The following ATL2 variants were observed in gnomAD, a reference collection of about 807,000 sequenced individuals.
ATL2 encodes the protein atlastin GTPase 2, also known as atlastin-2.
Under a neutral mutation model 73.9 loss-of-function variants are expected in ATL2, and 31 were observed. The ratio of observed to expected loss-of-function variants is 0.42; its 90% CI spans 0.32 to 0.57. The LOEUF (loss-of-function observed/expected upper bound fraction) is 0.57, where lower values mean the gene tolerates loss of function less well. Ranked by LOEUF, ATL2 falls within the 20% of genes least tolerant of loss-of-function variation. The probability of loss-of-function intolerance (pLI) is 0.14; values close to 1 mark genes in which losing one functional copy is unlikely to be tolerated. For synonymous variants in ATL2, 291 were observed against 237.5 expected (o/e 1.23, Z -2.07); for missense variants, 738 against 702.6 (o/e 1.05, Z -0.57).
chr2:38,317,715 A>C (rs959771443), intron 4 of ATL2, among the ~76,000 whole-genome samples: 6 of 152,182 alleles, frequency 3.9e-5, no homozygotes, highest in Non-Finnish European at 8.8e-5. Flanking sequence ...TTTTAGCCAA[A>C]AAAACAAAAA....
At chr2:38,364,961 G>A (rs545576162) in intron 1 of ATL2, among the ~76,000 whole-genome samples, 19 of 151,672 alleles carry the variant, frequency 1.3e-4, no homozygotes, top group South Asian at 2.1e-4. Context: ...GGAGAATGGC[G>A]TGAACCCGGG....
chr2:38,338,540 G>GAATA (rs34379793), intron 2 of ATL2, among the ~76,000 whole-genome samples: 57,302 of 151,470 alleles, frequency 0.38, 13,586 homozygotes, highest in African/African-American at 0.68. Context: ...AGGATGGAAT[G>GAATA]AATAAATAAA....
chr2:38,300,229 A>G (rs1667111657), intron 10 of ATL2, 43 bp downstream of exon 10: 1 of 1,453,234 alleles, frequency 6.9e-7, no homozygotes, highest in African/African-American at 1.4e-5. Context: ...TCTCCCTCAT[A>G]AATAAGTATA....
intron 9 of ATL2, among the ~76,000 whole-genome samples, chr2:38,306,808 T>C (rs968968693): frequency 3.9e-5 from 6 of 152,050 alleles, no homozygotes; most frequent in East Asian, 1.9e-4. Flanking sequence ...TGGGAAAAAA[T>C]TGAAAGCCTT....
rs190864160 is a variant in ATL2 at position 38,307,992 on chromosome 2, G to A, written c.1071+1387C>T. ...AGGATGTAGAGAAAAGGGAATCTTC[G>A]TACACTGTTGGCAGAAAGGTAAATT... On this transcript the variant is annotated intron_variant, in intron 9 of 12. Coordinates refer to ENST00000378954, the MANE Select transcript of ATL2 (RefSeq NM_001135673.4). Among the ~76,000 whole-genome samples the A allele has an allele frequency of 3.6e-3, 544 of 151,302 alleles. 2 individuals are homozygous for A. Among genetic ancestry groups the A allele is most frequent in the Non-Finnish European group, 4.6e-3 (315 of 67,842 alleles).
chr2:38,299,191 ATTT>A (rs954196375), intron 11 of ATL2, 62 bp downstream of exon 11: 5 of 995,514 alleles, frequency 5.0e-6, no homozygotes, highest in East Asian at 4.0e-5. Flanking sequence ...AATTTTTTTA[ATTT>A]TTTTTTTTTT....
At chr2:38,355,923 G>A (rs1369783487) in intron 1 of ATL2, among the ~76,000 whole-genome samples, 11 of 151,688 alleles carry the variant, frequency 7.3e-5, no homozygotes, top group Admixed American at 7.2e-4. Context: ...TTGAACTCCT[G>A]ACCTCAATGA....
At chr2:38,325,690 A>ACCCC (rs1668589063) in intron 2 of ATL2, among the ~76,000 whole-genome samples, 1 of 59,644 alleles carries the variant, frequency 1.7e-5, no homozygotes. Flanking sequence ...ACACACACAC[A>ACCCC]CACACCAGTA....
chr2:38,354,241 A>C (rs1358840860), intron 1 of ATL2: 1 of 351,104 alleles, frequency 2.8e-6, no homozygotes, highest in Non-Finnish European at 5.5e-6. Context: ...AGAGCTATAT[A>C]ATGTTCTTCA....
At chr2:38,361,214 C>T (rs568518132) in intron 1 of ATL2, among the ~76,000 whole-genome samples, 3 of 151,748 alleles carry the variant, frequency 2.0e-5, no homozygotes, top group South Asian at 2.1e-4. Context: ...ATTAGCCAGG[C>T]GTGGTGGCAC....
Position 38,295,952 on chromosome 2 carries a change from C to T in ATL2, c.*42G>A. 2 of 1,444,208 alleles carry T rather than the reference C, an allele frequency of 1.4e-6. No homozygotes were observed. The highest frequency in any genetic ancestry group is 1.4e-5 in the African/African-American group (1 of 70,158). 89.5% of individuals were successfully genotyped at this position (1,444,208 alleles called of 1,614,324 possible). A position where few individuals can be genotyped will look rare whatever the true frequency, so the allele number is the denominator to read the frequency against. ...ATTTGAGTTCTCATTGTACAGCAAGCATGAAAAAAAAAGAGAGTGGAGTCC... is the reference window on the plus strand; with the variant it reads ...ATTTGAGTTCTCATTGTACAGCAAGTATGAAAAAAAAAGAGAGTGGAGTCC... On this transcript the variant is annotated 3_prime_UTR_variant, in exon 13 of 13. Transcript: ENST00000378954.
intron 1 of ATL2, among the ~76,000 whole-genome samples, chr2:38,344,134 T>C (rs1470406180): frequency 6.6e-6 from 1 of 152,172 alleles, no homozygotes; most frequent in African/African-American, 2.4e-5. Context: ...AGAATGTTCA[T>C]GTCAACAGCA....
At chr2:38,353,533 A>C (rs142524382) in intron 1 of ATL2, among the ~76,000 whole-genome samples, 60 of 152,326 alleles carry the variant, frequency 3.9e-4, no homozygotes, top group Middle Eastern at 6.8e-3. Flanking sequence ...ATATTTGAAG[A>C]AGCAATAGTC....
intron 1 of ATL2, among the ~76,000 whole-genome samples, chr2:38,344,072 A>G (rs1669883525): frequency 6.6e-6 from 1 of 152,162 alleles, no homozygotes; most frequent in African/African-American, 2.4e-5. Flanking sequence ...ACATACAGAT[A>G]AACAATAATA....
At chr2:38,326,703 A>C (rs1370115769) in intron 2 of ATL2, among the ~76,000 whole-genome samples, 1 of 152,198 alleles carries the variant, frequency 6.6e-6, no homozygotes, top group Non-Finnish European at 1.5e-5. Flanking sequence ...AAATCATGCA[A>C]GCAGCTGGGA....
At chr2:38,348,194 C>T (rs748051043) in intron 1 of ATL2, among the ~76,000 whole-genome samples, 6 of 152,036 alleles carry the variant, frequency 3.9e-5, no homozygotes, top group South Asian at 2.1e-4. Context: ...TGGCTAGGCG[C>T]GGTGGCTCAC....
At chr2:38,370,342 G>A (rs1467706405) in intron 1 of ATL2, among the ~76,000 whole-genome samples, 7 of 150,054 alleles carry the variant, frequency 4.7e-5, no homozygotes, top group East Asian at 2.0e-4. Context: ...TCAGCTGCTC[G>A]GGAGGCTAAG....
In ATL2 at chr2:38,299,270, T is replaced by C; in HGVS notation, c.1186A>G (p.Lys396Glu). Residue 396 changes from lysine to glutamate, a missense_variant, in exon 11 of 13, where the codon AAA becomes GAA. Transcript: ENST00000378954. ...AVAGARDTYC[K>E]SMEQVCGGDK... ...TAGGTACAAACCTGTTCCATACTTT[T>C]ACAATAGGTATCTCTTGCTCCTGCT... The C allele has an allele frequency of 1.3e-6, 2 of 1,520,710 alleles. No individual in the cohort carries two copies. The highest frequency in any genetic ancestry group is 1.7e-6 in the Non-Finnish European group (2 of 1,145,506). 94.2% of individuals were successfully genotyped at this position (1,520,710 alleles called of 1,614,324 possible).
chr2:38,299,030 T>G (rs1365313241), intron 11 of ATL2, among the ~76,000 whole-genome samples: 1 of 152,226 alleles, frequency 6.6e-6, no homozygotes, highest in Admixed American at 6.5e-5. Flanking sequence ...AGAAGATATT[T>G]CAGTAGAGTT....
Sources: allele counts gnomAD v4.1 joint callset (sites outside exome capture counted in the v4.1 genomes callset), GRCh38; gene constraint gnomAD v4.1.1; transcripts MANE v1.5; gene names NCBI Gene and HGNC (gene_info 2026-07-23, HGNC 2026-07-21).